NTN1: variants seen among roughly 807,000 people sequenced by gnomAD.
The protein encoded by NTN1 is netrin-1.
In NTN1, 11 loss-of-function variants were observed where a neutral mutation model predicts 54.2. The observed-to-expected ratio is 0.20, with a 90% CI of 0.13 to 0.34. NTN1 has a LOEUF of 0.34. Among genes scored for constraint, NTN1 ranks in the 10% least tolerant of loss-of-function variants. NTN1 has a pLI of 1.00. For synonymous variants in NTN1, 371 were observed against 382.0 expected (o/e 0.97, Z 0.33); for missense variants, 740 against 893.1 (o/e 0.83, Z 2.18).
At chr17:9,156,942 A>G (rs2092344324) in intron 2 of NTN1, among the ~76,000 whole-genome samples, 1 of 151,396 alleles carries the variant, frequency 6.6e-6, no homozygotes, top group African/African-American at 2.4e-5. Flanking sequence ...CCATCCATCC[A>G]TCCATGCATC....
At position 9,023,223 on chromosome 17, in the gene NTN1, C is replaced by G; in HGVS notation, c.850C>G (p.Arg284Gly). 6.4e-7 allele frequency: 1 copy of G among 1,562,276 alleles called. No individual in the cohort carries two copies. Among genetic ancestry groups the G allele is most frequent in the Non-Finnish European group, 8.7e-7 (1 of 1,151,858 alleles). ...YAVSDLQVGG[R>G]CKCNGHAARC... ...GGTGTCCGACCTGCAGGTGGGCGGC[C>G]GGTGCAAGTGCAACGGCCACGCGGC... The change falls in exon 2 of 7, where the codon CGG becomes GGG. Residue 284 changes from arginine (R) to glycine (G), a missense_variant. By Grantham distance (125) the Arg-to-Gly change is moderately radical. Coordinates refer to ENST00000173229, the MANE Select transcript of NTN1 (RefSeq NM_004822.3).
rs114373744 is a variant in NTN1 at position 9,207,563 on chromosome 17, A to G, written c.1412-13605A>G. Among the ~76,000 whole-genome samples, 397 of 152,308 alleles carry G rather than the reference A, an allele frequency of 2.6e-3. 3 individuals carry two copies. Among genetic ancestry groups the G allele is most frequent in the African/African-American group, 9.0e-3 (374 of 41,558 alleles). On this transcript the variant is annotated intron_variant, in intron 5 of 6. Coordinates refer to ENST00000173229, the MANE Select transcript of NTN1 (RefSeq NM_004822.3). ...TGTGTCCAAGGACACACAGCTTTGTAAGTCACAGAGCCAGCATTTTGAGTT... is the reference window on the plus strand; with the variant it reads ...TGTGTCCAAGGACACACAGCTTTGTGAGTCACAGAGCCAGCATTTTGAGTT...
chr17:9,106,947 T>A (rs1374380421), intron 2 of NTN1, among the ~76,000 whole-genome samples: 2 of 152,152 alleles, frequency 1.3e-5, no homozygotes, highest in African/African-American at 2.4e-5. Context: ...GTTATTTCCT[T>A]TGTCACACCA....
At chr17:9,202,476 T>C (rs575242481) in intron 5 of NTN1, among the ~76,000 whole-genome samples, 45 of 152,268 alleles carry the variant, frequency 3.0e-4, no homozygotes, top group African/African-American at 1.0e-3. Context: ...CTGGAGTGTA[T>C]TGAGAATTCA....
chr17:9,083,076 T>G (rs937452419), intron 2 of NTN1, among the ~76,000 whole-genome samples: 5 of 151,800 alleles, frequency 3.3e-5, no homozygotes. Context: ...GCCATTGGCC[T>G]TGGGGGGATT....
chr17:9,110,893 C>A (rs2142251161), intron 2 of NTN1, among the ~76,000 whole-genome samples: 1 of 151,872 alleles, frequency 6.6e-6, no homozygotes, highest in African/African-American at 2.4e-5. Flanking sequence ...TTTTCTGCCA[C>A]CCATTATTGG....
chr17:9,070,761 T>C (rs2092029526), intron 2 of NTN1, among the ~76,000 whole-genome samples: 1 of 152,044 alleles, frequency 6.6e-6, no homozygotes, highest in Non-Finnish European at 1.5e-5. Flanking sequence ...CAGGCTAATT[T>C]TTGTATTTTT....
intron 2 of NTN1, among the ~76,000 whole-genome samples, chr17:9,039,841 G>T (rs578223347): frequency 1.3e-5 from 2 of 152,096 alleles, no homozygotes; most frequent in East Asian, 1.9e-4. Flanking sequence ...TTTTATTTCT[G>T]GGGGGGTATT....
chr17:9,148,552 TA>T (rs923997705), intron 2 of NTN1, among the ~76,000 whole-genome samples: 1 of 152,204 alleles, frequency 6.6e-6, no homozygotes, highest in Non-Finnish European at 1.5e-5. Flanking sequence ...ATACTTTTAC[TA>T]AAAATGATTT....
intron 6 of NTN1, among the ~76,000 whole-genome samples, chr17:9,223,110 C>T (rs913199890): frequency 4.6e-5 from 7 of 152,188 alleles, no homozygotes; most frequent in Admixed American, 6.5e-5. Flanking sequence ...CTAAAAGCTG[C>T]GTTAAGCTGT....
chr17:9,068,373 C>T (rs908210123), intron 2 of NTN1, among the ~76,000 whole-genome samples: 1 of 152,018 alleles, frequency 6.6e-6, no homozygotes, highest in African/African-American at 2.4e-5. Context: ...TTTGTAGAGA[C>T]GAGGTCCTAC....
intron 6 of NTN1, among the ~76,000 whole-genome samples, chr17:9,231,296 G>C (rs1185795072): frequency 1.6e-5 from 1 of 62,222 alleles, no homozygotes; most frequent in Non-Finnish European, 4.3e-5. Context: ...TGGGGTACCC[G>C]GGGGGGGACC....
intron 2 of NTN1, among the ~76,000 whole-genome samples, chr17:9,152,159 G>T (rs1042079003): frequency 6.6e-6 from 1 of 152,082 alleles, no homozygotes; most frequent in Non-Finnish European, 1.5e-5. Context: ...CTTTGGGTCC[G>T]TGCCACCTTT....
intron 2 of NTN1, among the ~76,000 whole-genome samples, chr17:9,048,844 T>C (rs553644226): frequency 6.6e-6 from 1 of 152,236 alleles, no homozygotes; most frequent in Admixed American, 6.5e-5. Flanking sequence ...TTAGTAGAGA[T>C]GGGGTTTCAC....
At chr17:9,200,242 T>C (rs775813305) in intron 5 of NTN1, among the ~76,000 whole-genome samples, 92 of 152,356 alleles carry the variant, frequency 6.0e-4, no homozygotes, top group Non-Finnish European at 1.2e-3. Context: ...TGGTTCCCTA[T>C]TGGGACAGCT....
Position 9,124,719 on chromosome 17 carries a change from G to A in NTN1, c.1019-38094G>A, listed in dbSNP as rs150316720. On this transcript the variant is annotated intron_variant, in intron 2 of 6. Coordinates refer to ENST00000173229, the MANE Select transcript of NTN1 (RefSeq NM_004822.3). The stretch of plus-strand genomic sequence containing the variant: ...TGCTGTGGGGAGGTAAAAGGAACTC[G>A]TTTTGCAGTGCTTGTCCTTGCCTGG... Among the ~76,000 whole-genome samples, 6 of 152,304 alleles carry A rather than the reference G, an allele frequency of 3.9e-5. No individual in the cohort carries two copies. The East Asian group carries it at 1.2e-3, about 29-fold the overall frequency.
intron 2 of NTN1, among the ~76,000 whole-genome samples, chr17:9,039,811 T>C (rs192718841): frequency 6.6e-6 from 1 of 152,376 alleles, no homozygotes; most frequent in African/African-American, 2.4e-5. Flanking sequence ...TCATGTTAAG[T>C]GCATTAATAG....
At chr17:9,188,483 AT>A (rs140066615) in intron 5 of NTN1, among the ~76,000 whole-genome samples, 123,934 of 138,400 alleles carry the variant, frequency 0.9, 55,586 homozygotes, top group East Asian at 1. Context: ...CAATTAAAAA[AT>A]AAAAACAAAA....
chr17:9,236,942 G>T (rs893735663), intron 6 of NTN1, among the ~76,000 whole-genome samples: 3 of 152,154 alleles, frequency 2.0e-5, no homozygotes, highest in Non-Finnish European at 4.4e-5. Context: ...ACCCCAGGGA[G>T]TGAGAAGGCC....
Sources: gnomAD v4.1 joint callset for allele counts (sites outside exome capture counted in the v4.1 genomes callset) on GRCh38, gnomAD v4.1.1 for gene constraint, MANE v1.5 for transcripts, NCBI Gene and HGNC (gene_info 2026-07-23, HGNC 2026-07-21) for gene names.